The following KLHL5 variants were observed in gnomAD, a reference collection of about 807,000 sequenced individuals.
The protein encoded by KLHL5 is kelch like family member 5.
In KLHL5, 48 loss-of-function variants were observed where a neutral mutation model predicts 77.7. The observed-to-expected ratio is 0.62, with a 90% CI of 0.49 to 0.79. The LOEUF is 0.79. KLHL5 is among the 30% of genes least tolerant of loss of function. The pLI is 0.00. For missense variants in KLHL5, 723 were observed against 859.7 expected (o/e 0.84, Z 1.99); for synonymous variants, 260 against 297.0 (o/e 0.88, Z 1.28).
chr4:39,109,442 G>A (rs1005593470), intron 8 of KLHL5, among the ~76,000 whole-genome samples: 4 of 151,924 alleles, frequency 2.6e-5, no homozygotes, highest in Non-Finnish European at 4.4e-5. Flanking sequence ...GGGACTACAG[G>A]TGTGCACTAC....
At chr4:39,115,878 A>G in intron 10 of KLHL5, 1 of 992,548 alleles carries the variant, frequency 1.0e-6, no homozygotes, top group South Asian at 4.6e-5. Flanking sequence ...ACTTCTAAAA[A>G]TGATCTTTTG....
intron 6 of KLHL5, among the ~76,000 whole-genome samples, chr4:39,101,921 T>C (rs1486393820): frequency 2.8e-5 from 4 of 141,514 alleles, no homozygotes; most frequent in South Asian, 2.2e-4. Context: ...CATATATATA[T>C]ACATATATAC....
At chr4:39,129,862 C>T (rs1577774577), downstream of KLHL5, among the ~76,000 whole-genome samples, 1 of 152,144 alleles carries the variant, frequency 6.6e-6, no homozygotes, top group South Asian at 2.1e-4. This position sits in a 1 kb window ranked among gnomAD's most constrained non-coding sequence, Gnocchi z 4.2. Context: ...CTTCCAGCTC[C>T]AGTATTCACT....
At chr4:39,131,016 T>A (rs1282794525), downstream of KLHL5, among the ~76,000 whole-genome samples, 1 of 75,846 alleles carries the variant, frequency 1.3e-5, no homozygotes, top group South Asian at 4.2e-4. Flanking sequence ...CAAATTTTTG[T>A]ATTTTTTTTT....
At chr4:39,118,335 G>A (rs1164777933) in intron 10 of KLHL5, among the ~76,000 whole-genome samples, 7 of 109,928 alleles carry the variant, frequency 6.4e-5, no homozygotes, top group Non-Finnish European at 1.3e-4. Context: ...TTAGAGCCAA[G>A]GATTTTTTTT....
intron 1 of KLHL5, among the ~76,000 whole-genome samples, chr4:39,055,399 C>T (rs1340097098): frequency 1.3e-5 from 2 of 152,160 alleles, no homozygotes; most frequent in Non-Finnish European, 2.9e-5. Context: ...TTCAGAAGTG[C>T]TTTTAAGTTC....
chr4:39,096,094 A>C (rs1267115663), intron 5 of KLHL5, among the ~76,000 whole-genome samples: 1 of 151,954 alleles, frequency 6.6e-6, no homozygotes, highest in Non-Finnish European at 1.5e-5. Flanking sequence ...TTATTTTTTA[A>C]AAGACAAGGT....
intron 1 of KLHL5, among the ~76,000 whole-genome samples, chr4:39,045,433 C>T (rs1032341149): frequency 6.6e-6 from 1 of 151,776 alleles, no homozygotes; most frequent in Admixed American, 6.6e-5. Flanking sequence ...GCGGTGCACC[C>T]GTTGCTGCTT....
At chr4:39,058,281 G>C (rs1353894960), upstream of KLHL5, among the ~76,000 whole-genome samples, 1 of 152,052 alleles carries the variant, frequency 6.6e-6, no homozygotes, top group African/African-American at 2.4e-5. Flanking sequence ...AGAATGAATA[G>C]AAAAAAGAAA....
chr4:39,091,497 G>T (rs1374377172), intron 5 of KLHL5, among the ~76,000 whole-genome samples: 2 of 152,002 alleles, frequency 1.3e-5, no homozygotes, highest in African/African-American at 2.4e-5. Flanking sequence ...TTATTTAAAA[G>T]ATTTTGACAC....
chr4:39,079,054 G>T (rs1262501366), intron 2 of KLHL5, among the ~76,000 whole-genome samples: 2 of 152,144 alleles, frequency 1.3e-5, no homozygotes, highest in African/African-American at 4.8e-5. Context: ...ACGTGGGTTT[G>T]TTAGAAAAGC....
chr4:39,068,728 A>G (rs866645061), intron 1 of KLHL5, among the ~76,000 whole-genome samples: 52 of 152,294 alleles, frequency 3.4e-4, no homozygotes, highest in Middle Eastern at 3.4e-3. Context: ...TATGCCATTT[A>G]TTGCTCACAT....
At position 39,075,926 on chromosome 4, in the gene KLHL5, T is replaced by C. The variant is rs539508642; in HGVS notation, c.384-39T>C. 7 of 1,527,718 alleles carry C rather than the reference T, an allele frequency of 4.6e-6. No individual in the cohort carries two copies. The South Asian group carries it at 7.2e-5, about 16-fold the overall frequency. The allele number at this position is 1,527,718 out of a possible 1,614,324, so 94.6% of individuals were successfully genotyped here. ...AATAGGAAAGATCTTTTTAATGTGA[T>C]AGTGATATTTCAAAATGTGTGTTTT... On this transcript the variant is annotated intron_variant, in intron 1 of 10. Coordinates refer to ENST00000504108, the MANE Select transcript of KLHL5 (RefSeq NM_015990.5).
intron 2 of KLHL5, among the ~76,000 whole-genome samples, chr4:39,076,525 C>G (rs2163271): frequency 0.46 from 70,471 of 151,852 alleles, 17,218 homozygotes; most frequent in Middle Eastern, 0.56. Context: ...AGCAAAAACT[C>G]TTAAGAGTTT....
In KLHL5 at chr4:39,081,866, G is replaced by T; in HGVS notation, c.704-97G>T. The T allele has an allele frequency of 2.4e-6, 2 of 839,332 alleles. No homozygotes were observed. Among genetic ancestry groups the T allele is most frequent in the Non-Finnish European group, 3.5e-6 (2 of 569,706 alleles). The allele number at this position is 839,332 out of a possible 1,614,324, so 52.0% of individuals were successfully genotyped here. A position where few individuals can be genotyped will look rare whatever the true frequency, so the allele number is the denominator to read the frequency against. On this transcript the variant is annotated intron_variant, in intron 3 of 10. Coordinates refer to ENST00000504108, the MANE Select transcript of KLHL5 (RefSeq NM_015990.5). This position sits in a 1 kb window ranked among gnomAD's most constrained non-coding sequence, Gnocchi z 4.3. Reference sequence around the variant, plus strand: ...CATGTAGGTCTGTAATGCATGTAATGAGCTCTTATATGGAACCACTACTGT... The same window carrying T: ...CATGTAGGTCTGTAATGCATGTAATTAGCTCTTATATGGAACCACTACTGT...
downstream of KLHL5, among the ~76,000 whole-genome samples, chr4:39,130,876 T>A (rs1723773935): frequency 6.6e-6 from 1 of 152,016 alleles, no homozygotes; most frequent in Non-Finnish European, 1.5e-5. Context: ...AAGGTCTCAC[T>A]CTGTCTCCCA....
chr4:39,113,624 C>T (rs1236557244), intron 9 of KLHL5, among the ~76,000 whole-genome samples: 2 of 152,166 alleles, frequency 1.3e-5, no homozygotes, highest in Non-Finnish European at 2.9e-5. Flanking sequence ...CAACTGGCCT[C>T]ACAAAACTCA....
intron 4 of KLHL5, 103 bp downstream of exon 4, chr4:39,082,262 G>A: frequency 3.2e-6 from 3 of 939,008 alleles, no homozygotes; most frequent in Non-Finnish European, 4.8e-6. Context: ...TCTGCCACGT[G>A]TCTTGCGATT....
chr4:39,081,097 T>C lies in KLHL5; in HGVS notation c.567-6T>C. ...ATTGATTTTTTTTTTCCTAATGTGT[T>C]CACAGATTGGTGCTCTCCTCTGTCT... On this transcript the variant is annotated splice_polypyrimidine_tract_variant and splice_region_variant and intron_variant, in intron 2 of 10. Transcript: ENST00000504108. The surrounding 1 kb of genome is among the most constrained non-coding windows in gnomAD (Gnocchi z 4.3). The C allele has an allele frequency of 6.3e-7, 1 of 1,599,412 alleles. No homozygotes were observed. Among genetic ancestry groups the C allele is most frequent in the Non-Finnish European group, 8.5e-7 (1 of 1,175,748 alleles).
Sources: allele counts gnomAD v4.1 joint callset (sites outside exome capture counted in the v4.1 genomes callset), GRCh38; gene constraint gnomAD v4.1.1; non-coding constraint Gnocchi (gnomAD v3.1); transcripts MANE v1.5; gene names NCBI Gene and HGNC (gene_info 2026-07-23, HGNC 2026-07-21).